MBNL2: variants seen among roughly 807,000 people sequenced by gnomAD.
MBNL2 encodes the protein muscleblind like splicing regulator 2.
MBNL2 carries 17 observed loss-of-function variants against 41.9 expected under a neutral mutation model. The observed-to-expected ratio is 0.41, with a 90% confidence interval of 0.28 to 0.61. The LOEUF (loss-of-function observed/expected upper bound fraction) is 0.61, where lower values mean the gene tolerates loss of function less well. Ranked by LOEUF, MBNL2 falls within the 20% of genes least tolerant of loss-of-function variation. The pLI is 0.35. For missense variants in MBNL2, 336 were observed against 505.6 expected, an observed-to-expected ratio of 0.66 and a Z score of 3.22; for synonymous variants, 195 against 182.9, an observed-to-expected ratio of 1.07 and a Z score of -0.53.
At chr13:97,151,893 C>T in the MBNL2 span, among the ~76,000 whole-genome samples, 1 of 152,068 alleles carries the variant, frequency 6.6e-6, no homozygotes. Flanking sequence ...AATGCTCAGC[C>T]AGATTACAAT....
intron 8 of MBNL2, among the ~76,000 whole-genome samples, chr13:97,375,235 G>A (rs2064853804): frequency 6.6e-6 from 1 of 152,208 alleles, no homozygotes; most frequent in African/African-American, 2.4e-5. Flanking sequence ...TGGAGGCAGT[G>A]ACTCCCAAGG....
At chr13:97,363,165 T>C (rs1168505871) in intron 7 of MBNL2, 4 of 152,044 alleles carry the variant, frequency 2.6e-5, no homozygotes, top group Admixed American at 1.3e-4. Flanking sequence ...GAGACACTTA[T>C]GAGACATCCA....
Position 97,391,847 on chromosome 13 carries a change from G to A in MBNL2, c.*398G>A, listed in dbSNP as rs879042508. On this transcript the variant is annotated 3_prime_UTR_variant, in exon 9 of 9. Transcript: ENST00000679496. ...GATCAAAGGGTATGTTTCACTTCTTGACAATATAAATGCTGCAGCAAAGAT... is the reference window on the plus strand; with the variant it reads ...GATCAAAGGGTATGTTTCACTTCTTAACAATATAAATGCTGCAGCAAAGAT... 7 of 168,544 alleles carry A rather than the reference G, an allele frequency of 4.2e-5. No individual in the cohort carries two copies. The South Asian group carries it at 9.3e-4, about 23-fold the overall frequency. 10.4% of individuals were successfully genotyped at this position (168,544 alleles called of 1,614,324 possible).
At chr13:97,163,357 C>A in the MBNL2 span, among the ~76,000 whole-genome samples, 1 of 152,208 alleles carries the variant, frequency 6.6e-6, no homozygotes, top group South Asian at 2.1e-4. Context: ...GCAGCCTTGC[C>A]CTGTGGAAGC....
chr13:97,195,787 C>T, the MBNL2 span, among the ~76,000 whole-genome samples: 1 of 152,082 alleles, frequency 6.6e-6, no homozygotes, highest in Non-Finnish European at 1.5e-5. Flanking sequence ...TTTAATATTG[C>T]CAATTGACAT....
chr13:97,255,143 G>A (rs2047284376), intron 1 of MBNL2, among the ~76,000 whole-genome samples: 1 of 152,166 alleles, frequency 6.6e-6, no homozygotes, highest in Non-Finnish European at 1.5e-5. Context: ...GTCCAAGGTA[G>A]AAAGCACCTT....
chr13:97,265,663 G>A (rs1240038907), intron 1 of MBNL2, among the ~76,000 whole-genome samples: 1 of 152,062 alleles, frequency 6.6e-6, no homozygotes, highest in Non-Finnish European at 1.5e-5. Flanking sequence ...GTGTGTGCGT[G>A]TGTGTGTACA....
intron 8 of MBNL2, among the ~76,000 whole-genome samples, chr13:97,383,293 T>C (rs909609471): frequency 8.5e-5 from 13 of 152,208 alleles, no homozygotes; most frequent in Admixed American, 8.5e-4. Context: ...TTTTTACATG[T>C]GACATGGACT....
intron 3 of MBNL2, among the ~76,000 whole-genome samples, chr13:97,335,769 G>T (rs1033785165): frequency 6.6e-6 from 1 of 152,172 alleles, no homozygotes; most frequent in East Asian, 1.9e-4. Flanking sequence ...AATTCGCCCA[G>T]ATTAAGGACT....
At chr13:97,219,889 T>G (rs942123432), upstream of MBNL2, among the ~76,000 whole-genome samples, 2 of 152,214 alleles carry the variant, frequency 1.3e-5, no homozygotes, top group Non-Finnish European at 2.9e-5. Flanking sequence ...GCTATTTAAA[T>G]CATCATGATA....
At chr13:97,187,655 C>T in the MBNL2 span, among the ~76,000 whole-genome samples, 3 of 143,800 alleles carry the variant, frequency 2.1e-5, no homozygotes, top group East Asian at 6.2e-4. Context: ...CGCCTGTAAT[C>T]CCAGCACTTT....
intron 5 of MBNL2, among the ~76,000 whole-genome samples, chr13:97,350,692 A>G (rs2062365824): frequency 6.6e-6 from 1 of 152,238 alleles, no homozygotes; most frequent in Non-Finnish European, 1.5e-5. Flanking sequence ...CTCCTCAACC[A>G]TTAAAGTTTT....
At chr13:97,284,102 G>T (rs773151528) in intron 2 of MBNL2, among the ~76,000 whole-genome samples, 6 of 152,198 alleles carry the variant, frequency 3.9e-5, no homozygotes, top group African/African-American at 9.6e-5. Context: ...TCCTAGGGCT[G>T]TCACAACAAA....
intron 2 of MBNL2, among the ~76,000 whole-genome samples, chr13:97,284,260 C>T (rs998510473): frequency 1.3e-5 from 2 of 152,246 alleles, no homozygotes; most frequent in Admixed American, 6.5e-5. Flanking sequence ...TTAAGGGCCA[C>T]GCTCCCTCTG....
At chr13:97,336,970 T>C (rs2060938831) in intron 3 of MBNL2, among the ~76,000 whole-genome samples, 1 of 152,200 alleles carries the variant, frequency 6.6e-6, no homozygotes, top group African/African-American at 2.4e-5. Flanking sequence ...CTGCAGTCTC[T>C]CACCAGTGTC....
intron 8 of MBNL2, among the ~76,000 whole-genome samples, chr13:97,389,604 G>A (rs2066231323): frequency 6.6e-6 from 1 of 152,018 alleles, no homozygotes; most frequent in Non-Finnish European, 1.5e-5. Context: ...TACTCAGGAG[G>A]CTAAAGTGGG....
chr13:97,270,324 G>A (rs2050695050), intron 1 of MBNL2, among the ~76,000 whole-genome samples: 1 of 152,114 alleles, frequency 6.6e-6, no homozygotes, highest in African/African-American at 2.4e-5. Context: ...TAATAACTAT[G>A]AAACAATCTT....
At chr13:97,146,134 G>C in the MBNL2 span, among the ~76,000 whole-genome samples, 2 of 151,514 alleles carry the variant, frequency 1.3e-5, no homozygotes, top group Non-Finnish European at 2.9e-5. Context: ...AGGACTACAG[G>C]CGTGTGCCAC....
intron 2 of MBNL2, among the ~76,000 whole-genome samples, chr13:97,314,498 T>A (rs1196410536): frequency 6.6e-6 from 1 of 152,246 alleles, no homozygotes. Context: ...TTGCCTGTTG[T>A]GCTCATTGTC....
Sources: gnomAD v4.1 joint callset for allele counts (sites outside exome capture counted in the v4.1 genomes callset) on GRCh38, gnomAD v4.1.1 for gene constraint, MANE v1.5 for transcripts, NCBI Gene and HGNC (gene_info 2026-07-23, HGNC 2026-07-21) for gene names.